The following SKAP1 variants were observed in gnomAD, a reference collection of about 807,000 sequenced individuals.
The protein encoded by SKAP1 is src kinase-associated phosphoprotein 1.
A neutral mutation model predicts 58.5 loss-of-function variants in SKAP1; 44 were observed. The ratio of observed to expected loss-of-function variants is 0.75; its 90% confidence interval spans 0.59 to 0.97. The LOEUF is 0.97. Among genes scored for constraint, SKAP1 ranks in the 50% least tolerant of loss-of-function variants. The pLI, the probability that SKAP1 is intolerant of heterozygous loss-of-function variation, is 0.00. For synonymous variants in SKAP1, 127 were observed against 149.7 expected, an observed-to-expected ratio of 0.85 and a Z score of 1.11; for missense variants, 390 against 435.2, an observed-to-expected ratio of 0.90 and a Z score of 0.92.
the SKAP1 span, among the ~76,000 whole-genome samples, chr17:48,441,906 A>G: frequency 5.3e-5 from 8 of 152,214 alleles, no homozygotes; most frequent in African/African-American, 1.9e-4. Context: ...CCAGAACTCC[A>G]TGATCTCGAA....
At chr17:48,160,127 C>A (rs2064046797) in intron 11 of SKAP1, among the ~76,000 whole-genome samples, 1 of 151,848 alleles carries the variant, frequency 6.6e-6, no homozygotes, top group African/African-American at 2.4e-5. Flanking sequence ...GCTTTCTTTT[C>A]TTCTTTTTTT....
intron 2 of SKAP1, among the ~76,000 whole-genome samples, chr17:48,368,656 T>C (rs1000456995): frequency 6.6e-6 from 1 of 152,158 alleles, no homozygotes; most frequent in Non-Finnish European, 1.5e-5. Flanking sequence ...AAATGATATT[T>C]GGAACTGAAA....
intron 4 of SKAP1, among the ~76,000 whole-genome samples, chr17:48,254,444 C>A (rs1255524358): frequency 1.3e-5 from 2 of 151,960 alleles, no homozygotes; most frequent in Non-Finnish European, 2.9e-5. Context: ...AAACTAGTTT[C>A]TTGATACATA....
intron 4 of SKAP1, among the ~76,000 whole-genome samples, chr17:48,323,856 G>T (rs560740475): frequency 2.2e-4 from 34 of 151,984 alleles, no homozygotes; most frequent in Admixed American, 7.2e-4. Context: ...ACTGCTCCAG[G>T]GACAGATCAG....
At chr17:48,149,641 C>T (rs575846137) in intron 11 of SKAP1, among the ~76,000 whole-genome samples, 2 of 152,184 alleles carry the variant, frequency 1.3e-5, no homozygotes, top group East Asian at 3.9e-4. Context: ...ACCCTACCCT[C>T]GGTGGGGTCA....
At chr17:48,403,573 A>G (rs1468619485) in intron 1 of SKAP1, among the ~76,000 whole-genome samples, 1 of 152,110 alleles carries the variant, frequency 6.6e-6, no homozygotes, top group Non-Finnish European at 1.5e-5. Context: ...ACAGAACAAC[A>G]GCAACAAGAA....
chr17:48,321,670 G>A (rs369010895), intron 4 of SKAP1, among the ~76,000 whole-genome samples: 1 of 152,006 alleles, frequency 6.6e-6, no homozygotes, highest in Admixed American at 6.6e-5. Context: ...GAGCCACCGC[G>A]CTCGGCCTGT....
At chr17:48,311,887 T>TA (rs1008440184) in intron 4 of SKAP1, among the ~76,000 whole-genome samples, 2 of 152,166 alleles carry the variant, frequency 1.3e-5, no homozygotes. Context: ...CCCAGGATAA[T>TA]AAGCCTATCC....
chr17:48,264,631 G>T (rs34171724), intron 4 of SKAP1, among the ~76,000 whole-genome samples: 4,233 of 152,028 alleles, frequency 0.028, 220 homozygotes, highest in African/African-American at 0.098. Context: ...AAATGGGGAG[G>T]GAAAAGGGAG....
intron 1 of SKAP1, among the ~76,000 whole-genome samples, chr17:48,406,029 G>T (rs1265581461): frequency 6.6e-6 from 1 of 152,070 alleles, no homozygotes; most frequent in Non-Finnish European, 1.5e-5. Flanking sequence ...CACTTTGGGA[G>T]GCCAAGGCGG....
intron 4 of SKAP1, among the ~76,000 whole-genome samples, chr17:48,213,885 C>T (rs1301385838): frequency 5.9e-5 from 9 of 152,196 alleles, no homozygotes; most frequent in East Asian, 1.9e-4. Flanking sequence ...TGAACAAACA[C>T]GGCTCAGCAC....
At position 48,189,508 on chromosome 17, in the gene SKAP1, G is replaced by A; in HGVS notation, c.281-8C>T. The A allele has an allele frequency of 2.5e-6, 4 of 1,605,934 alleles. No individual in the cohort carries two copies. The highest frequency in any genetic ancestry group is 3.4e-6 in the Non-Finnish European group (4 of 1,176,306). ...TTACGATGTCTTCCATTCCTAAAAG[G>A]ACCAATGGCAAAATGCTTTATTGAA... On this transcript the variant is annotated splice_polypyrimidine_tract_variant and splice_region_variant and intron_variant, in intron 4 of 12. Coordinates refer to ENST00000336915, the MANE Select transcript of SKAP1 (RefSeq NM_003726.4).
chr17:48,359,680 C>T (rs891947347), intron 3 of SKAP1, among the ~76,000 whole-genome samples: 1 of 152,160 alleles, frequency 6.6e-6, no homozygotes, highest in African/African-American at 2.4e-5. Context: ...GATCTCGGCT[C>T]ACTGCAGTCT....
chr17:48,293,430 G>A (rs2065923412), intron 4 of SKAP1, among the ~76,000 whole-genome samples: 1 of 152,164 alleles, frequency 6.6e-6, no homozygotes, highest in Admixed American at 6.5e-5. Context: ...CCACAGAGAT[G>A]ATAAAAGGTG....
chr17:48,395,005 C>A (rs2067397569), intron 2 of SKAP1, among the ~76,000 whole-genome samples: 1 of 152,146 alleles, frequency 6.6e-6, no homozygotes, highest in Non-Finnish European at 1.5e-5. Flanking sequence ...CTCCCATCAA[C>A]AATGCAGATA....
intron 12 of SKAP1, among the ~76,000 whole-genome samples, chr17:48,134,043 C>T (rs933488639): frequency 6.7e-6 from 1 of 150,052 alleles, no homozygotes; most frequent in Non-Finnish European, 1.5e-5. Context: ...GCAAATTTGG[C>T]TCCCATTCTT....
At chr17:48,157,486 C>T (rs1384169984) in intron 11 of SKAP1, among the ~76,000 whole-genome samples, 3 of 150,928 alleles carry the variant, frequency 2.0e-5, no homozygotes, top group African/African-American at 7.3e-5. Flanking sequence ...CTGCCCGCCT[C>T]GGCCTCCCAA....
intron 3 of SKAP1, among the ~76,000 whole-genome samples, chr17:48,346,245 A>T (rs771735575): frequency 3.4e-4 from 52 of 152,244 alleles, no homozygotes; most frequent in Non-Finnish European, 4.0e-4. Context: ...ACTAAAACTT[A>T]GGAACTGTTA....
chr17:48,388,547 T>A (rs1015891658), intron 2 of SKAP1, among the ~76,000 whole-genome samples: 10 of 152,346 alleles, frequency 6.6e-5, no homozygotes, highest in Non-Finnish European at 1.5e-4. Flanking sequence ...AGTGGATATA[T>A]GCTGTGATTC....
Sources: allele counts gnomAD v4.1 joint callset (sites outside exome capture counted in the v4.1 genomes callset), GRCh38; gene constraint gnomAD v4.1.1; transcripts MANE v1.5; gene names NCBI Gene and HGNC (gene_info 2026-07-23, HGNC 2026-07-21).